ACOT13: variants seen among roughly 807,000 people sequenced by gnomAD.
ACOT13 encodes acyl-coenzyme A thioesterase 13.
Under a neutral mutation model 11.8 loss-of-function variants are expected in ACOT13, and 10 were observed. That is an observed-to-expected ratio of 0.85 (90% CI 0.53 to 1.44). ACOT13 has a LOEUF of 1.44. ACOT13 is among the 40% of genes most tolerant of loss of function. The pLI, the probability that ACOT13 is intolerant of heterozygous loss-of-function variation, is 0.00. For synonymous variants in ACOT13, 53 were observed against 61.0 expected, an observed-to-expected ratio of 0.87 and a Z score of 0.61; for missense variants, 172 against 174.1, an observed-to-expected ratio of 0.99 and a Z score of 0.07.
intron 1 of ACOT13, among the ~76,000 whole-genome samples, chr6:24,671,862 C>G (rs758331031): frequency 6.6e-5 from 10 of 152,148 alleles, no homozygotes; most frequent in Non-Finnish European, 1.5e-4. Context: ...ATAATGTACA[C>G]TAGGTCATAT....
chr6:24,677,788 GAAGCTT>G (rs907612161), intron 1 of ACOT13, among the ~76,000 whole-genome samples: 2 of 152,218 alleles, frequency 1.3e-5, no homozygotes, highest in African/African-American at 4.8e-5. Context: ...ATATTCGGCA[GAAGCTT>G]GTTATGCCAA....
Position 24,701,695 on chromosome 6 carries a change from A to G in ACOT13, c.*80A>G. On this transcript the variant is annotated 3_prime_UTR_variant, in exon 3 of 3. Coordinates refer to ENST00000230048, the MANE Select transcript of ACOT13 (RefSeq NM_018473.4). The stretch of plus-strand genomic sequence containing the variant: ...GACTCAAACAATTGTAATTTTTGAA[A>G]TAAACTAGCAAAACCAGAAGCAGCT... The G allele has an allele frequency of 1.4e-6, 2 of 1,389,656 alleles. No individual in the cohort carries two copies. The highest frequency in any genetic ancestry group is 1.9e-6 in the Non-Finnish European group (2 of 1,038,266). 86.1% of individuals were successfully genotyped at this position (1,389,656 alleles called of 1,614,324 possible).
intron 1 of ACOT13, among the ~76,000 whole-genome samples, chr6:24,695,378 A>G (rs187039724): frequency 1.3e-5 from 2 of 152,244 alleles, no homozygotes; most frequent in African/African-American, 4.8e-5. Context: ...ATTTAGTTCT[A>G]TTTCTTCAAC....
intron 1 of ACOT13, among the ~76,000 whole-genome samples, chr6:24,680,229 GT>G (rs1409337186): frequency 2.1e-4 from 32 of 152,176 alleles, no homozygotes; most frequent in African/African-American, 7.5e-4. Flanking sequence ...AGGTCAAGCT[GT>G]AAGATGGTGT....
intron 1 of ACOT13, among the ~76,000 whole-genome samples, chr6:24,681,767 A>G (rs1304787830): frequency 1.3e-5 from 2 of 152,170 alleles, no homozygotes; most frequent in Non-Finnish European, 1.5e-5. Flanking sequence ...CTTTGGAGAT[A>G]CAACTTGCTA....
At chr6:24,670,330 AC>A (rs1213036140) in intron 1 of ACOT13, among the ~76,000 whole-genome samples, 1 of 152,232 alleles carries the variant, frequency 6.6e-6, no homozygotes, top group Non-Finnish European at 1.5e-5. Flanking sequence ...ACCATCAAAT[AC>A]CTATGAGTAG....
At chr6:24,693,512 G>T (rs181402669) in intron 1 of ACOT13, among the ~76,000 whole-genome samples, 1 of 152,162 alleles carries the variant, frequency 6.6e-6, no homozygotes, top group Non-Finnish European at 1.5e-5. Flanking sequence ...AGATGCCAAG[G>T]CTTAAAGAGA....
chr6:24,694,005 C>A (rs1267145617), intron 1 of ACOT13, among the ~76,000 whole-genome samples: 1 of 151,950 alleles, frequency 6.6e-6, no homozygotes, highest in East Asian at 1.9e-4. Flanking sequence ...ATTACACAGA[C>A]GAAGTTGCAT....
chr6:24,683,275 C>T (rs1255507987), intron 1 of ACOT13, among the ~76,000 whole-genome samples: 1 of 152,186 alleles, frequency 6.6e-6, no homozygotes, highest in African/African-American at 2.4e-5. Flanking sequence ...CGGTGGCTCA[C>T]GCCTGTAATC....
intron 1 of ACOT13, among the ~76,000 whole-genome samples, chr6:24,686,688 T>G (rs938989969): frequency 3.0e-4 from 45 of 150,708 alleles, no homozygotes; most frequent in African/African-American, 1.1e-3. Context: ...TGTCTTCTCT[T>G]CTCTTCTTCT....
intron 1 of ACOT13, among the ~76,000 whole-genome samples, chr6:24,668,571 G>A (rs1778304155): frequency 6.6e-6 from 1 of 152,202 alleles, no homozygotes; most frequent in African/African-American, 2.4e-5. Flanking sequence ...TTTGGGGTGT[G>A]GAGCAGCAGC....
chr6:24,685,210 C>G (rs1353236131), intron 1 of ACOT13, among the ~76,000 whole-genome samples: 2 of 151,762 alleles, frequency 1.3e-5, no homozygotes, highest in Admixed American at 6.6e-5. Flanking sequence ...CTAATTTGAT[C>G]TAAAAGAGGT....
At position 24,687,283 on chromosome 6, in the gene ACOT13, C is replaced by T. The variant is rs373215588; in HGVS notation, c.82-10600C>T. 5.0e-4 allele frequency: 126 copies of T among 253,464 alleles called. No homozygotes were observed. In the South Asian group the frequency reaches 0.017, roughly 35 times the overall value. 15.7% of individuals were successfully genotyped at this position (253,464 alleles called of 1,614,324 possible). A position where few individuals can be genotyped will look rare whatever the true frequency, so the allele number is the denominator to read the frequency against. On this transcript the variant is annotated intron_variant, in intron 1 of 2. Coordinates refer to ENST00000230048, the MANE Select transcript of ACOT13 (RefSeq NM_018473.4). ...TATGAACTGACTACTCTAGGTACTT[C>T]ATATAAGTGGATATGTTGTATCCCT... is the stretch of plus-strand genomic sequence containing the variant.
At chr6:24,675,568 G>A (rs1053447604) in intron 1 of ACOT13, among the ~76,000 whole-genome samples, 10 of 152,112 alleles carry the variant, frequency 6.6e-5, no homozygotes, top group African/African-American at 9.6e-5. Context: ...CCCACTTTTC[G>A]ATGGGGTTGT....
At chr6:24,668,973 A>G (rs529052113) in intron 1 of ACOT13, among the ~76,000 whole-genome samples, 1 of 152,288 alleles carries the variant, frequency 6.6e-6, no homozygotes, top group African/African-American at 2.4e-5. Flanking sequence ...TTTACTTTCA[A>G]TTTAGTTCTA....
rs1264009199 is a variant in ACOT13, at chr6:24,704,915, CT to C, written c.*3305del. The C allele has an allele frequency of 6.6e-6, 1 of 152,120 alleles. No individual in the cohort carries two copies. The highest frequency in any genetic ancestry group is 1.5e-5 in the Non-Finnish European group (1 of 67,948). The allele number at this position is 152,120 out of a possible 1,614,324, so 9.4% of individuals were successfully genotyped here. A position where few individuals can be genotyped will look rare whatever the true frequency, so the allele number is the denominator to read the frequency against. ...CTTTCACCTATTTTATTTAGGTTTTCTTTTTCTTTTTTTCTTTTTTTTTCAA... is the reference window on the plus strand; with the variant it reads ...CTTTCACCTATTTTATTTAGGTTTTCTTTTCTTTTTTTCTTTTTTTTTCAA... On this transcript the variant is annotated 3_prime_UTR_variant, in exon 3 of 3. Coordinates refer to ENST00000230048, the MANE Select transcript of ACOT13 (RefSeq NM_018473.4).
intron 1 of ACOT13, among the ~76,000 whole-genome samples, chr6:24,668,774 T>C (rs1317590897): frequency 1.3e-5 from 2 of 152,184 alleles, no homozygotes; most frequent in Non-Finnish European, 2.9e-5. Context: ...GTTACACTCC[T>C]ATGGGAAGAT....
chr6:24,695,309 A>AAAAAAC (rs1778776551), intron 1 of ACOT13, among the ~76,000 whole-genome samples: 2 of 152,132 alleles, frequency 1.3e-5, no homozygotes, highest in South Asian at 4.2e-4. Context: ...ACTCTGTCTC[A>AAAAAAC]AAAAACAAAA....
At chr6:24,680,155 T>C (rs929799430) in intron 1 of ACOT13, among the ~76,000 whole-genome samples, 7 of 152,130 alleles carry the variant, frequency 4.6e-5, no homozygotes, top group Admixed American at 4.6e-4. Flanking sequence ...GCGAGTTGTC[T>C]CTTAATGAAA....
Sources: gnomAD v4.1 joint callset for allele counts (sites outside exome capture counted in the v4.1 genomes callset) on GRCh38, gnomAD v4.1.1 for gene constraint, MANE v1.5 for transcripts, NCBI Gene and HGNC (gene_info 2026-07-23, HGNC 2026-07-21) for gene names.